Variants in OVCH1 observed in about 807,000 individuals in gnomAD.
The protein encoded by OVCH1 is ovochymase 1.
A neutral mutation model predicts 138.4 loss-of-function variants in OVCH1; 139 were observed. The ratio of observed to expected loss-of-function variants is 1.00; its 90% CI spans 0.87 to 1.16. The LOEUF is 1.16. OVCH1 is among the 50% of genes most tolerant of loss of function. OVCH1 has a pLI of 0.00. For missense variants in OVCH1, 1,367 were observed against 1,357.9 expected (o/e 1.01, Z -0.11); for synonymous variants, 453 against 467.8 (o/e 0.97, Z 0.41).
chr12:29,443,265 A>G (rs937896352), intron 25 of OVCH1, 96 bp downstream of exon 25: 14 of 1,225,162 alleles, frequency 1.1e-5, no homozygotes, highest in South Asian at 1.6e-5. Flanking sequence ...AGACTAGTGT[A>G]TGTCACATGT....
the OVCH1 span, among the ~76,000 whole-genome samples, chr12:29,405,952 T>A: frequency 6.6e-6 from 1 of 152,208 alleles, no homozygotes; most frequent in African/African-American, 2.4e-5. Context: ...ACAGTAGGAG[T>A]GAAACCAAAC....
rs530235216 is a variant in OVCH1, at chr12:29,492,807, CA to C, written c.455-1616del. ...CAGGGCTGAGCCTGGGGCACTCCAA[CA>C]ATATGAAGTCAAGGAGAAGAGGAAG... On this transcript the variant is annotated intron_variant, in intron 4 of 27. Transcript: ENST00000318184. 1.7e-4 allele frequency among the ~76,000 whole-genome samples: 26 copies of C among 152,102 alleles called. 1 individual carries two copies. The South Asian group carries it at 5.2e-3, about 30-fold the overall frequency.
intron 23 of OVCH1, among the ~76,000 whole-genome samples, chr12:29,445,005 T>C (rs191600372): frequency 6.6e-6 from 1 of 152,196 alleles, no homozygotes; most frequent in Non-Finnish European, 1.5e-5. Flanking sequence ...TGGTATAAAA[T>C]TGCAACCACA....
chr12:29,461,740 G>C, intron 19 of OVCH1, 114 bp downstream of exon 19: 1 of 1,286,146 alleles, frequency 7.8e-7, no homozygotes, highest in South Asian at 1.2e-5. Context: ...GCAGGGATAT[G>C]ATATTGAAGC....
exon 25 of OVCH1, chr12:29,443,373 T>C (rs1280886140): frequency 1.2e-6 from 2 of 1,609,780 alleles, no homozygotes; most frequent in Non-Finnish European, 1.7e-6. Context: ...ATTAATTTTT[T>C]TCCTGGTCCA....
At chr12:29,409,865 T>A (rs532692574), downstream of OVCH1, among the ~76,000 whole-genome samples, 502 of 152,294 alleles carry the variant, frequency 3.3e-3, 2 homozygotes, top group Non-Finnish European at 5.9e-3. Flanking sequence ...GGTATCCTTG[T>A]CAACTTTCTG....
At chr12:29,417,326 G>T (rs1215523040) in intron 3 of OVCH1, among the ~76,000 whole-genome samples, 1 of 151,940 alleles carries the variant, frequency 6.6e-6, no homozygotes, top group African/African-American at 2.4e-5. Context: ...AGCCAGGCAT[G>T]GTGGCATGCA....
At chr12:29,409,877 C>G (rs542749787), downstream of OVCH1, among the ~76,000 whole-genome samples, 9 of 152,206 alleles carry the variant, frequency 5.9e-5, no homozygotes, top group East Asian at 5.8e-4. Context: ...AACTTTCTGT[C>G]TCATCGATCT....
Position 29,473,071 on chromosome 12 carries a change from G to C in OVCH1, c.1633C>G (p.Pro545Ala), listed in dbSNP as rs1942571223. Reference sequence around the variant, plus strand: ...ACGGTAGATACAGGATTGTTTTGGGGAGGTAACTTTGGTTCAAATTTGTTT... The same window carrying C: ...ACGGTAGATACAGGATTGTTTTGGGCAGGTAACTTTGGTTCAAATTTGTTT... Residue 545 changes from proline (P) to alanine (A), a missense_variant, in exon 15 of 28, where the codon CCC becomes GCC. Transcript: ENST00000318184. 1.9e-6 allele frequency: 3 copies of C among 1,610,708 alleles called. No individual in the cohort carries two copies. The South Asian group carries it at 3.3e-5, about 18-fold the overall frequency.
At chr12:29,468,648 G>A (rs2135996724) in intron 16 of OVCH1, among the ~76,000 whole-genome samples, 1 of 152,236 alleles carries the variant, frequency 6.6e-6, no homozygotes, top group South Asian at 2.1e-4. Flanking sequence ...TACGTTCAAT[G>A]CACTTTGATA....
chr12:29,439,544 C>G lies in OVCH1; in HGVS notation c.3158-110G>C, dbSNP rs573841723. 1.9e-5 allele frequency: 25 copies of G among 1,291,694 alleles called. No individual in the cohort carries two copies. In the East Asian group the frequency reaches 6.8e-4, roughly 35 times the overall value. The allele number at this position is 1,291,694 out of a possible 1,614,324, so 80.0% of individuals were successfully genotyped here. ...AAAGGAAAAATCTCTATCTCTACTA[C>G]AACTACTGCTACTCTCGGTACTTTA... On this transcript the variant is annotated intron_variant, in intron 25 of 27. Coordinates refer to ENST00000318184, the Ensembl canonical transcript of OVCH1.
At chr12:29,439,795 C>A (rs1192286888) in intron 25 of OVCH1, among the ~76,000 whole-genome samples, 58 bp downstream of exon 26, 1 of 152,180 alleles carries the variant, frequency 6.6e-6, no homozygotes, top group South Asian at 2.1e-4. Flanking sequence ...CCCACGATCC[C>A]CTCCTCAGGT....
the OVCH1 span, among the ~76,000 whole-genome samples, chr12:29,404,248 A>C: frequency 1.3e-5 from 2 of 152,188 alleles, no homozygotes; most frequent in African/African-American, 4.8e-5. Context: ...GTGCAGTGGG[A>C]TGGCAGTGAC....
At position 29,414,876 on chromosome 12, in the gene OVCH1, T is replaced by C. The variant is rs530483884; in HGVS notation, c.*72-2151A>G. ...TTAATTATATTTTAAAAGTCTTTAA[T>C]ATTATGAAGCAATGCTGACAATCAT... On this transcript the variant is annotated intron_variant and NMD_transcript_variant, in intron 3 of 4. Coordinates refer to the OVCH1 transcript ENST00000539117. 9.2e-5 allele frequency among the ~76,000 whole-genome samples: 14 copies of C among 152,046 alleles called. No homozygotes were observed. In the South Asian group the frequency reaches 2.9e-3, roughly 31 times the overall value.
intron 14 of OVCH1, among the ~76,000 whole-genome samples, chr12:29,474,046 G>C (rs1052730903): frequency 1.4e-5 from 2 of 144,966 alleles, no homozygotes; most frequent in African/African-American, 5.1e-5. Context: ...GATCATGTAA[G>C]TTAATACTTA....
chr12:29,420,012 A>G (rs1470693988), intron 3 of OVCH1, among the ~76,000 whole-genome samples: 1 of 152,196 alleles, frequency 6.6e-6, no homozygotes, highest in Non-Finnish European at 1.5e-5. Context: ...GAGCAGATAG[A>G]AGGAACTGCT....
intron 25 of OVCH1, among the ~76,000 whole-genome samples, 173 bp from the exon 26 acceptor site, chr12:29,440,917 A>G (rs1941468719): frequency 6.6e-6 from 1 of 152,230 alleles, no homozygotes; most frequent in Non-Finnish European, 1.5e-5. Flanking sequence ...GGCAAAGGCC[A>G]GCAAAAAGCC....
chr12:29,451,481 A>G, exon 22 of OVCH1: 3 of 1,613,400 alleles, frequency 1.9e-6, no homozygotes, highest in Non-Finnish European at 2.5e-6. Flanking sequence ...GCACCCAAGA[A>G]CATTCCAGTC....
chr12:29,497,211 G>A (rs1212804909), intron 1 of OVCH1, among the ~76,000 whole-genome samples: 1 of 152,118 alleles, frequency 6.6e-6, no homozygotes, highest in African/African-American at 2.4e-5. Context: ...TGAGGGAGCC[G>A]TGATCGCATC....
Sources: allele counts gnomAD v4.1 joint callset (sites outside exome capture counted in the v4.1 genomes callset), GRCh38; gene constraint gnomAD v4.1.1; transcripts MANE v1.5; gene names NCBI Gene and HGNC (gene_info 2026-07-23, HGNC 2026-07-21).